Variants in MARCHF5 observed in about 807,000 individuals in gnomAD.
MARCHF5 encodes the protein membrane associated ring-CH-type finger 5.
In MARCHF5, 5 loss-of-function variants were observed where a neutral mutation model predicts 36.5. That is an observed-to-expected ratio of 0.14 (90% CI 0.07 to 0.29). The LOEUF is 0.29. Ranked by LOEUF, MARCHF5 falls within the 10% of genes least tolerant of loss-of-function variation. MARCHF5 has a pLI of 1.00. For synonymous variants in MARCHF5, 103 were observed against 109.9 expected (o/e 0.94, Z 0.39); for missense variants, 179 against 336.3 (o/e 0.53, Z 3.66).
intron 2 of MARCHF5, among the ~76,000 whole-genome samples, chr10:92,335,233 A>G (rs570908113): frequency 1.3e-5 from 2 of 152,294 alleles, no homozygotes; most frequent in Admixed American, 6.5e-5. Flanking sequence ...TCTGACAGCA[A>G]TAAGAATCTA....
rs1208382263 is a variant in MARCHF5 at position 92,353,035 on chromosome 10, A to G, written c.*1828A>G. 1 of 152,498 alleles carries G rather than the reference A, an allele frequency of 6.6e-6. No individual in the cohort carries two copies. The highest frequency in any genetic ancestry group is 1.5e-5 in the Non-Finnish European group (1 of 68,036). The allele number at this position is 152,498 out of a possible 1,614,324, so 9.4% of individuals were successfully genotyped here. On this transcript the variant is annotated 3_prime_UTR_variant, in exon 6 of 6. Transcript: ENST00000358935. The stretch of plus-strand genomic sequence containing the variant: ...AAACACACAGTTCCCCATTTACTAC[A>G]TTAATGCCCTTGACAGGGAGTAGCT...
At chr10:92,341,780 C>CTTTTTTTTTTT (rs71025395) in intron 3 of MARCHF5, among the ~76,000 whole-genome samples, 3 of 77,392 alleles carry the variant, frequency 3.9e-5, no homozygotes, top group African/African-American at 9.3e-5. Context: ...AGTTTACATC[C>CTTTTTTTTTTT]TTTTTTTTTT....
At chr10:92,324,637 A>G (rs1177142674) in intron 2 of MARCHF5, among the ~76,000 whole-genome samples, 1 of 152,194 alleles carries the variant, frequency 6.6e-6, no homozygotes, top group Non-Finnish European at 1.5e-5. Flanking sequence ...GTCATTTACA[A>G]CTAGAAGTTT....
intron 3 of MARCHF5, among the ~76,000 whole-genome samples, chr10:92,347,495 TAGA>T (rs1843659159): frequency 1.2e-5 from 1 of 83,214 alleles, no homozygotes; most frequent in South Asian, 4.1e-4. Flanking sequence ...GATAGATAGA[TAGA>T]TAGATAGATA....
chr10:92,323,561 T>G (rs1843316399), intron 2 of MARCHF5, among the ~76,000 whole-genome samples: 1 of 152,204 alleles, frequency 6.6e-6, no homozygotes, highest in African/African-American at 2.4e-5. Context: ...TCCTCTATGC[T>G]CCATCTGTTC....
chr10:92,349,110 CAGCCATTTTAATTTTT>C (rs1451430301), intron 3 of MARCHF5, among the ~76,000 whole-genome samples: 3 of 152,156 alleles, frequency 2.0e-5, no homozygotes, highest in Non-Finnish European at 2.9e-5. Flanking sequence ...CAGTCTGGGT[CAGCCATTTTAATTTTT>C]ATTCCTGTGT....
intron 1 of MARCHF5, among the ~76,000 whole-genome samples, chr10:92,297,919 TG>T (rs2068111713): frequency 6.6e-6 from 1 of 152,170 alleles, no homozygotes; most frequent in Admixed American, 6.6e-5. Flanking sequence ...ACTGAAGGGC[TG>T]GGTGCAGTGG....
intron 2 of MARCHF5, among the ~76,000 whole-genome samples, chr10:92,317,632 C>T (rs1043804943): frequency 1.3e-5 from 2 of 152,050 alleles, no homozygotes; most frequent in African/African-American, 4.8e-5. Flanking sequence ...TATCCTGTGA[C>T]CTTGCTGAAC....
At chr10:92,331,975 A>G (rs1165975179) in intron 2 of MARCHF5, among the ~76,000 whole-genome samples, 2 of 147,542 alleles carry the variant, frequency 1.4e-5, no homozygotes, top group Non-Finnish European at 3.0e-5. Context: ...GTATATATAT[A>G]TGTATATATA....
At position 92,311,189 on chromosome 10, in the gene MARCHF5, G is replaced by A. The variant is rs770273807; in HGVS notation, c.90G>A (p.Val30=). Reference sequence around the variant, plus strand: ...AAGATGATAGAACAGCTGAATGGGTGAGACCATGCAGGTGCAGAGGATCTA... The same window carrying A: ...AAGATGATAGAACAGCTGAATGGGTAAGACCATGCAGGTGCAGAGGATCTA... ...TDEDDRTAEW[V]RPCRCRGSTK... The change falls in exon 2 of 6, where the codon GTG becomes GTA. Residue 30 remains valine (V), a synonymous_variant. Coordinates refer to ENST00000358935, the MANE Select transcript of MARCHF5 (RefSeq NM_017824.5). 3 of 1,614,028 alleles carry A rather than the reference G, an allele frequency of 1.9e-6. No individual in the cohort carries two copies. In the Admixed American group the frequency reaches 5.0e-5, roughly 27 times the overall value.
chr10:92,298,512 C>T (rs1842974216), intron 1 of MARCHF5, among the ~76,000 whole-genome samples: 1 of 152,218 alleles, frequency 6.6e-6, no homozygotes, highest in African/African-American at 2.4e-5. Flanking sequence ...CTTGACTTCT[C>T]AATTTTTGGT....
intron 1 of MARCHF5, chr10:92,308,608 G>C (rs10748577): frequency 0.66 from 100,711 of 151,888 alleles, 34,772 homozygotes; most frequent in African/African-American, 0.85. Flanking sequence ...TGATAAGTAC[G>C]CACTCTGAAT....
intron 3 of MARCHF5, among the ~76,000 whole-genome samples, chr10:92,346,284 TTTGA>T (rs974522950): frequency 2.6e-4 from 39 of 152,242 alleles, no homozygotes; most frequent in Admixed American, 7.8e-4. Context: ...ACTTGTTTGG[TTTGA>T]TTTTCTCTCA....
At chr10:92,319,365 G>A (rs1475329228) in intron 2 of MARCHF5, among the ~76,000 whole-genome samples, 6 of 148,542 alleles carry the variant, frequency 4.0e-5, no homozygotes, top group African/African-American at 1.0e-4. Context: ...GCGCGATCTC[G>A]ACTCACTGCA....
chr10:92,319,988 T>C (rs76435095), intron 2 of MARCHF5, among the ~76,000 whole-genome samples: 1 of 144,320 alleles, frequency 6.9e-6, no homozygotes, highest in Non-Finnish European at 1.5e-5. Flanking sequence ...TTTTTTTTTT[T>C]TGAGACAGAG....
chr10:92,323,054 T>C (rs1334167936), intron 2 of MARCHF5, among the ~76,000 whole-genome samples: 2 of 152,050 alleles, frequency 1.3e-5, no homozygotes, highest in African/African-American at 4.8e-5. Context: ...TTATTCTTTT[T>C]CAGTCTTGCC....
chr10:92,308,674 A>T (rs1481358032), intron 1 of MARCHF5: 1 of 151,584 alleles, frequency 6.6e-6, no homozygotes. Context: ...AAAAAAACTG[A>T]AAGTGCATAA....
chr10:92,328,614 T>C (rs74383156), intron 2 of MARCHF5, among the ~76,000 whole-genome samples: 2,429 of 151,662 alleles, frequency 0.016, 65 homozygotes, highest in African/African-American at 0.056. Context: ...CCCCATTCTT[T>C]CCATTCTCAT....
chr10:92,318,090 C>T (rs1014264503), intron 2 of MARCHF5, among the ~76,000 whole-genome samples: 1 of 152,014 alleles, frequency 6.6e-6, no homozygotes, highest in Admixed American at 6.6e-5. Flanking sequence ...GCTAATTGCC[C>T]TGGTTATAAC....
Sources: gnomAD v4.1 joint callset for allele counts (sites outside exome capture counted in the v4.1 genomes callset) on GRCh38, gnomAD v4.1.1 for gene constraint, MANE v1.5 for transcripts, NCBI Gene and HGNC (gene_info 2026-07-23, HGNC 2026-07-21) for gene names.